LIN52: variants seen among roughly 807,000 people sequenced by gnomAD.
LIN52 encodes the protein lin-52 DREAM MuvB core complex component.
Under a neutral mutation model 18.5 loss-of-function variants are expected in LIN52, and 4 were observed. That is an observed-to-expected ratio of 0.22 (90% confidence interval 0.11 to 0.49). The LOEUF (loss-of-function observed/expected upper bound fraction) is 0.49. LIN52 is among the 20% of genes least tolerant of loss of function. The pLI, the probability that LIN52 is intolerant of heterozygous loss-of-function variation, is 0.97. For synonymous variants in LIN52, 34 were observed against 45.5 expected (o/e 0.75, Z 1.02); for missense variants, 102 against 139.5 (o/e 0.73, Z 1.35).
intron 5 of LIN52, among the ~76,000 whole-genome samples, chr14:74,129,705 A>G (rs955535859): frequency 5.3e-5 from 8 of 152,164 alleles, no homozygotes; most frequent in African/African-American, 1.9e-4. Context: ...ATAATTAGCC[A>G]GGTGTGGTGA....
intron 5 of LIN52, among the ~76,000 whole-genome samples, chr14:74,161,501 T>C (rs561438411): frequency 6.6e-6 from 1 of 152,260 alleles, no homozygotes; most frequent in East Asian, 1.9e-4. Context: ...CAGGGAAAAT[T>C]TAAAATAAAA....
At chr14:74,093,443 A>T (rs573500931) in intron 2 of LIN52, among the ~76,000 whole-genome samples, 1 of 148,926 alleles carries the variant, frequency 6.7e-6, no homozygotes, top group East Asian at 2.0e-4. Context: ...CTCCTGCCTC[A>T]GCCCCCCAAG....
At chr14:74,131,261 A>G (rs987620973) in intron 5 of LIN52, among the ~76,000 whole-genome samples, 6 of 150,910 alleles carry the variant, frequency 4.0e-5, no homozygotes, top group South Asian at 2.1e-4. Flanking sequence ...CCTAAGTGCT[A>G]TGGTGTTTCT....
intron 5 of LIN52, among the ~76,000 whole-genome samples, chr14:74,184,544 T>G (rs2061332969): frequency 6.6e-6 from 1 of 152,218 alleles, no homozygotes; most frequent in Admixed American, 6.5e-5. Context: ...ACATCAAGAC[T>G]GACATGACAT....
chr14:74,097,715 C>G lies in LIN52; in HGVS notation c.133-79C>G, dbSNP rs2060824357. Reference sequence around the variant, plus strand: ...ACCTTGGCAGCCACCGCATCCGGCCCAGGCTACACTTCTTATAAGAATAAT... The same window carrying G: ...ACCTTGGCAGCCACCGCATCCGGCCGAGGCTACACTTCTTATAAGAATAAT... On this transcript the variant is annotated intron_variant, in intron 3 of 5. Coordinates refer to ENST00000555028, the MANE Select transcript of LIN52 (RefSeq NM_001024674.3). 15 of 1,091,184 alleles carry G rather than the reference C, an allele frequency of 1.4e-5. No individual in the cohort carries two copies. In the South Asian group the frequency reaches 2.0e-4, roughly 15 times the overall value. The allele number at this position is 1,091,184 out of a possible 1,614,324, so 67.6% of individuals were successfully genotyped here.
chr14:74,135,550 T>G (rs1455147864), intron 5 of LIN52, among the ~76,000 whole-genome samples: 1 of 152,178 alleles, frequency 6.6e-6, no homozygotes, highest in Non-Finnish European at 1.5e-5. Context: ...CATAGCCATT[T>G]TTTTTTATCA....
chr14:74,163,331 C>A (rs549283076), intron 5 of LIN52, among the ~76,000 whole-genome samples: 1 of 152,306 alleles, frequency 6.6e-6, no homozygotes, highest in East Asian at 1.9e-4. Context: ...CCATCCACCT[C>A]TCTGCCTCCC....
chr14:74,164,347 C>T (rs1261572874), intron 5 of LIN52, among the ~76,000 whole-genome samples: 1 of 150,270 alleles, frequency 6.7e-6, no homozygotes, highest in East Asian at 2.0e-4. Flanking sequence ...TGGAGTGACA[C>T]GATCTCGGCT....
intron 5 of LIN52, among the ~76,000 whole-genome samples, chr14:74,115,568 G>A (rs894846258): frequency 2.0e-5 from 3 of 152,152 alleles, no homozygotes; most frequent in African/African-American, 7.2e-5. Context: ...ATAGTCATTA[G>A]CTTTGCACCT....
chr14:74,130,287 T>TTTGTTTTTTTTTG (rs1566856583), intron 5 of LIN52, among the ~76,000 whole-genome samples: 2 of 130,242 alleles, frequency 1.5e-5, no homozygotes, highest in Admixed American at 1.6e-4. Flanking sequence ...GGTTTTTTTT[T>TTTGTTTTTTTTTG]TTTTTTTTTG....
At chr14:74,110,591 A>C (rs2060920238) in intron 5 of LIN52, among the ~76,000 whole-genome samples, 1 of 151,876 alleles carries the variant, frequency 6.6e-6, no homozygotes, top group Non-Finnish European at 1.5e-5. Flanking sequence ...AATCGCTTGA[A>C]CCTGGGAGGC....
chr14:74,189,219 G>A (rs1354388748), intron 5 of LIN52, among the ~76,000 whole-genome samples: 1 of 152,146 alleles, frequency 6.6e-6, no homozygotes, highest in Non-Finnish European at 1.5e-5. Context: ...TTATGGATGA[G>A]GATATTAAGT....
intron 5 of LIN52, among the ~76,000 whole-genome samples, chr14:74,111,606 G>GTATT (rs3082883): frequency 0.11 from 15,689 of 137,952 alleles, 966 homozygotes; most frequent in East Asian, 0.22. Flanking sequence ...CCTGCCCCTG[G>GTATT]TATTTATTTA....
At chr14:74,164,506 G>A (rs530233355) in intron 5 of LIN52, among the ~76,000 whole-genome samples, 108 of 150,296 alleles carry the variant, frequency 7.2e-4, no homozygotes, top group African/African-American at 2.5e-3. Flanking sequence ...GGCTGGTCTC[G>A]AACTCCTGAC....
chr14:74,145,216 C>T (rs2061148566), intron 5 of LIN52, among the ~76,000 whole-genome samples: 1 of 152,150 alleles, frequency 6.6e-6, no homozygotes, highest in Admixed American at 6.5e-5. Context: ...TATGAAAACT[C>T]AAAAAAGTTC....
At chr14:74,134,488 T>C (rs1359576895) in intron 5 of LIN52, among the ~76,000 whole-genome samples, 1 of 152,212 alleles carries the variant, frequency 6.6e-6, no homozygotes, top group African/African-American at 2.4e-5. Flanking sequence ...GGACAGACAA[T>C]ATTCATTTCC....
At chr14:74,111,007 A>G (rs950018612) in intron 5 of LIN52, among the ~76,000 whole-genome samples, 3 of 152,210 alleles carry the variant, frequency 2.0e-5, no homozygotes, top group African/African-American at 7.2e-5. Flanking sequence ...TCAAAACTTA[A>G]TACTTTATCC....
At chr14:74,123,813 A>G (rs528110065) in intron 5 of LIN52, among the ~76,000 whole-genome samples, 2 of 152,298 alleles carry the variant, frequency 1.3e-5, no homozygotes, top group South Asian at 4.2e-4. Context: ...CCCCCAGAGA[A>G]GCACATTGCC....
In LIN52 at chr14:74,137,498, C is replaced by CTTTTTTTTTTTTTTTTT. The variant is rs71460959; in HGVS notation, c.283+36262_283+36278dup. Among the ~76,000 whole-genome samples the CTTTTTTTTTTTTTTTTT allele has an allele frequency of 1.2e-3, 135 of 111,570 alleles. 11 individuals are homozygous for CTTTTTTTTTTTTTTTTT. The highest frequency in any genetic ancestry group is 3.8e-3 in the African/African-American group (102 of 26,850). The allele number at this position is 111,570 out of a possible 152,430, so 73.2% of individuals were successfully genotyped here. A position where few individuals can be genotyped will look rare whatever the true frequency, so the allele number is the denominator to read the frequency against. ...GCACTAAATTCTTCACAGCAGCTCTCTTTTTTTTTTTTTTTTTTGAGATGG... is the reference window on the plus strand; with the variant it reads ...GCACTAAATTCTTCACAGCAGCTCTCTTTTTTTTTTTTTTTTTTTTTTTTTTTTTTTTTTTGAGATGG... On this transcript the variant is annotated intron_variant, in intron 5 of 5. Transcript: ENST00000555028.
Sources: gnomAD v4.1 joint callset for allele counts (sites outside exome capture counted in the v4.1 genomes callset) on GRCh38, gnomAD v4.1.1 for gene constraint, MANE v1.5 for transcripts, NCBI Gene and HGNC (gene_info 2026-07-23, HGNC 2026-07-21) for gene names.